Variants in DLG5 observed in about 807,000 individuals in gnomAD.
DLG5 encodes discs large MAGUK scaffold protein 5, also known as disks large homolog 5.
In DLG5, 48 loss-of-function variants were observed where a neutral mutation model predicts 189.8. The observed-to-expected ratio is 0.25, with a 90% CI of 0.20 to 0.32. DLG5 has a LOEUF of 0.32. Ranked by LOEUF, DLG5 falls within the 10% of genes least tolerant of loss-of-function variation. DLG5 has a pLI of 1.00. For synonymous variants in DLG5, 1,016 were observed against 1,054.1 expected (o/e 0.96, Z 0.70); for missense variants, 2,160 against 2,544.7 (o/e 0.85, Z 3.25).
intron 20 of DLG5, among the ~76,000 whole-genome samples, chr10:77,814,488 T>C (rs1465670043): frequency 8.9e-6 from 1 of 112,700 alleles, no homozygotes; most frequent in Admixed American, 8.0e-5. Flanking sequence ...TATATATATA[T>C]ATATATATAT....
At position 77,821,268 on chromosome 10, in the gene DLG5, G is replaced by A; in HGVS notation, c.3216C>T (p.Arg1072=). The change falls in exon 15 of 32, where the codon CGC becomes CGT. Residue 1072 remains arginine, a synonymous_variant. Transcript: ENST00000372391. ...HASPPRKARV[R]IASSYYPEGD... ...CTTCAGGGTAGTAGCTGGAAGCAAT[G>A]CGGACCCTGGCCTTGCGAGGGGGTG... 1 of 1,613,866 alleles carries A rather than the reference G, an allele frequency of 6.2e-7. No individual in the cohort carries two copies. The highest frequency in any genetic ancestry group is 1.7e-5 in the Admixed American group (1 of 60,024).
chr10:77,935,207 T>C, the DLG5 span, among the ~76,000 whole-genome samples: 1 of 152,060 alleles, frequency 6.6e-6, no homozygotes, highest in South Asian at 2.1e-4. Flanking sequence ...TGTTATGGCA[T>C]TAGGAGACCA....
chr10:77,823,925 G>T (rs1842491303), intron 14 of DLG5, among the ~76,000 whole-genome samples: 1 of 152,090 alleles, frequency 6.6e-6, no homozygotes, highest in Admixed American at 6.5e-5. Flanking sequence ...CAGGCTTTTT[G>T]TATTTTCTGT....
intron 29 of DLG5, 85 bp from the exon 30 acceptor site, chr10:77,795,043 C>T: frequency 3.9e-6 from 4 of 1,014,836 alleles, no homozygotes; most frequent in Non-Finnish European, 6.0e-6. Flanking sequence ...ACCCACCTCA[C>T]CTCACAGGGC....
chr10:77,863,372 T>A (rs1370305269), intron 2 of DLG5, among the ~76,000 whole-genome samples: 1 of 152,196 alleles, frequency 6.6e-6, no homozygotes. Context: ...GTGCTGGGAT[T>A]ATAGGTTTGA....
chr10:77,884,894 G>A (rs919038228), intron 1 of DLG5, among the ~76,000 whole-genome samples: 5 of 152,082 alleles, frequency 3.3e-5, no homozygotes, highest in Non-Finnish European at 7.4e-5. Flanking sequence ...TGGAAATGGC[G>A]GACTTCAGAA....
chr10:77,882,919 GA>G lies in DLG5; in HGVS notation c.305-13723del, dbSNP rs560752874. Among the ~76,000 whole-genome samples the G allele has an allele frequency of 6.7e-3, 855 of 126,712 alleles. 7 individuals are homozygous for G. The highest frequency in any genetic ancestry group is 0.019 in the African/African-American group (660 of 34,614). 83.1% of individuals were successfully genotyped at this position (126,712 alleles called of 152,430 possible). ...CACTCCAGCGAAACAATGTCTCAAA[GA>G]AAAAAAAAAAAAACACCCAAGAGCT... is the stretch of plus-strand genomic sequence containing the variant. On this transcript the variant is annotated intron_variant, in intron 1 of 31. Coordinates refer to ENST00000372391, the MANE Select transcript of DLG5 (RefSeq NM_004747.4).
Position 77,835,693 on chromosome 10 carries a change from T to A in DLG5, c.1622+45A>T, listed in dbSNP as rs745377442. 13 of 1,565,024 alleles carry A rather than the reference T, an allele frequency of 8.3e-6. No individual in the cohort carries two copies. The South Asian group carries it at 1.5e-4, about 18-fold the overall frequency. On this transcript the variant is annotated intron_variant, in intron 8 of 31. Transcript: ENST00000372391. ...CAACAGACCCTAGCAGGTCCCCTCA[T>A]CCTGGGGAGACGCAAGCCCACGCCA... is the stretch of plus-strand genomic sequence containing the variant.
chr10:77,814,785 G>A (rs1209513373), intron 20 of DLG5, among the ~76,000 whole-genome samples: 1 of 152,000 alleles, frequency 6.6e-6, no homozygotes, highest in East Asian at 1.9e-4. Flanking sequence ...ATGTTGGCCA[G>A]GTTGGTCTTG....
At chr10:77,860,502 G>A (rs887027433) in intron 2 of DLG5, among the ~76,000 whole-genome samples, 1 of 152,142 alleles carries the variant, frequency 6.6e-6, no homozygotes, top group African/African-American at 2.4e-5. Flanking sequence ...TCACCATGTT[G>A]GCCAGGCTGG....
At chr10:77,840,881 AC>A (rs1238996848) in intron 7 of DLG5, among the ~76,000 whole-genome samples, 1 of 152,100 alleles carries the variant, frequency 6.6e-6, no homozygotes. Context: ...CATGCTGGTC[AC>A]CCCCTGGGCA....
chr10:77,811,951 T>C lies in DLG5; in HGVS notation c.4295A>G (p.His1432Arg). The part of the protein sequence containing the change: ...TILAQYNPHV[H>R]QLSSHSRSSS... Reference sequence around the variant, plus strand: ...GGACCGGGAGTGGCTGCTGAGCTGGTGCACGTGGGGGTTGTACTGGGCCAG... The same window carrying C: ...GGACCGGGAGTGGCTGCTGAGCTGGCGCACGTGGGGGTTGTACTGGGCCAG... Residue 1432 changes from histidine to arginine, a missense_variant, in exon 22 of 32, where the codon CAC becomes CGC. His to Arg is a conservative substitution (Grantham distance 29, BLOSUM62 0). Around this residue, in one of 5 missense-constraint regions of DLG5, gnomAD observed 574 missense variants for 644.2 expected, o/e 0.89. Coordinates refer to ENST00000372391, the MANE Select transcript of DLG5 (RefSeq NM_004747.4). 6.2e-7 allele frequency: 1 copy of C among 1,607,930 alleles called. No homozygotes were observed.
At position 77,828,879 on chromosome 10, in the gene DLG5, T is replaced by C. The variant is rs1424103979; in HGVS notation, c.2289+3A>G. 6.2e-7 allele frequency: 1 copy of C among 1,614,014 alleles called. No individual in the cohort carries two copies. The highest frequency in any genetic ancestry group is 2.2e-5 in the East Asian group (1 of 44,884). On this transcript the variant is annotated splice_donor_region_variant and intron_variant, in intron 13 of 31. Coordinates refer to ENST00000372391, the MANE Select transcript of DLG5 (RefSeq NM_004747.4). ...TGACCCTGGCTCCAGCCTTGAGACT[T>C]ACCGCAACGATCCTGTCTCCCACAG...
chr10:77,930,075 T>C (rs1846772129), upstream of DLG5, among the ~76,000 whole-genome samples: 1 of 152,180 alleles, frequency 6.6e-6, no homozygotes, highest in Non-Finnish European at 1.5e-5. Flanking sequence ...CCTTCCATGC[T>C]CTGGATATAA....
chr10:77,820,350 GA>G (rs56722418), intron 15 of DLG5: 537 of 144,214 alleles, frequency 3.7e-3, no homozygotes, highest in South Asian at 0.012. Context: ...CATCTTAGGG[GA>G]AAAAAAAAAA....
At chr10:77,915,531 C>A (rs529433105) in intron 1 of DLG5, among the ~76,000 whole-genome samples, 37 of 152,348 alleles carry the variant, frequency 2.4e-4, no homozygotes, top group African/African-American at 8.9e-4. Context: ...TTGGGAAACA[C>A]TGCCTAATAA....
chr10:77,926,891 CG>C, upstream of DLG5: 2 of 338,238 alleles, frequency 5.9e-6, no homozygotes, highest in Non-Finnish European at 6.1e-6. This position sits in a 1 kb window ranked among gnomAD's most constrained non-coding sequence, Gnocchi z 5.2. Context: ...CCGCCCGCCC[CG>C]CGAGAAAACT....
At chr10:77,932,750 C>T in the DLG5 span, among the ~76,000 whole-genome samples, 1 of 152,188 alleles carries the variant, frequency 6.6e-6, no homozygotes, top group Non-Finnish European at 1.5e-5. Flanking sequence ...GAACTCTGCC[C>T]ACTGCAGAGT....
intron 5 of DLG5, among the ~76,000 whole-genome samples, chr10:77,847,556 C>T (rs564379586): frequency 6.6e-6 from 1 of 152,308 alleles, no homozygotes; most frequent in East Asian, 1.9e-4. Context: ...TCATGGTTAA[C>T]TCCGGAGAAT....
Sources: allele counts gnomAD v4.1 joint callset (sites outside exome capture counted in the v4.1 genomes callset), GRCh38; gene constraint gnomAD v4.1.1; regional missense constraint gnomAD v4.1.1; non-coding constraint Gnocchi (gnomAD v3.1); transcripts MANE v1.5; gene names NCBI Gene and HGNC (gene_info 2026-07-23, HGNC 2026-07-21).